Variants in SLC4A7 observed in about 807,000 individuals in gnomAD.
SLC4A7 encodes solute carrier family 4 member 7.
Under a neutral mutation model 137.6 loss-of-function variants are expected in SLC4A7, and 51 were observed. That is an observed-to-expected ratio of 0.37 (90% CI 0.30 to 0.47). The LOEUF (loss-of-function observed/expected upper bound fraction) is 0.47, where lower values mean the gene tolerates loss of function less well. SLC4A7 is among the 20% of genes least tolerant of loss of function. The pLI, the probability that SLC4A7 is intolerant of heterozygous loss-of-function variation, is 1.00. For synonymous variants in SLC4A7, 542 were observed against 518.6 expected (o/e 1.05, Z -0.61); for missense variants, 1,247 against 1,525.4 (o/e 0.82, Z 3.04).
At chr3:27,423,776 A>G (rs2055247969) in intron 8 of SLC4A7, 2 of 346,478 alleles carry the variant, frequency 5.8e-6, no homozygotes, top group Non-Finnish European at 1.0e-5. Context: ...ATGGATGGAA[A>G]TATCGTATTA....
chr3:27,462,876 G>GA (rs1235462407), intron 1 of SLC4A7: 16 of 152,182 alleles, frequency 1.1e-4, no homozygotes, highest in Admixed American at 1.0e-3. Flanking sequence ...TTCAAACCGG[G>GA]AAAAACAAAG....
At chr3:27,382,732 G>T (rs112953582) in intron 24 of SLC4A7, among the ~76,000 whole-genome samples, 1 of 152,116 alleles carries the variant, frequency 6.6e-6, no homozygotes, top group Non-Finnish European at 1.5e-5. Flanking sequence ...ACTGGTATTT[G>T]AATGGACACT....
At chr3:27,474,422 A>G (rs574350908) in intron 1 of SLC4A7, among the ~76,000 whole-genome samples, 1 of 152,366 alleles carries the variant, frequency 6.6e-6, no homozygotes, top group South Asian at 2.1e-4. Flanking sequence ...CACATTTTAA[A>G]TATTTTGTCA....
chr3:27,481,820 C>A (rs1467454776), intron 1 of SLC4A7, among the ~76,000 whole-genome samples: 4 of 152,144 alleles, frequency 2.6e-5, no homozygotes, highest in African/African-American at 9.7e-5. Flanking sequence ...ATCTGTCTCC[C>A]AACTCAAATA....
intron 2 of SLC4A7, among the ~76,000 whole-genome samples, chr3:27,449,363 TAAC>T (rs199938671): frequency 0.031 from 4,601 of 148,884 alleles, 240 homozygotes; most frequent in African/African-American, 0.11. Context: ...AATATATAAA[TAAC>T]ATTTTAGTAA....
chr3:27,468,226 G>A (rs139157665), intron 1 of SLC4A7, among the ~76,000 whole-genome samples: 118 of 152,222 alleles, frequency 7.8e-4, no homozygotes, highest in African/African-American at 2.7e-3. Flanking sequence ...ACCAAGAGCA[G>A]CCTTATAAAT....
chr3:27,408,840 T>C (rs1393176071), intron 13 of SLC4A7, among the ~76,000 whole-genome samples: 3 of 152,222 alleles, frequency 2.0e-5, no homozygotes, highest in Non-Finnish European at 4.4e-5. Context: ...TCACATAGAC[T>C]TAATAACAGC....
intron 11 of SLC4A7, among the ~76,000 whole-genome samples, chr3:27,416,713 C>G (rs899078170): frequency 1.1e-4 from 16 of 152,184 alleles, no homozygotes; most frequent in African/African-American, 3.6e-4. Flanking sequence ...TAACAAATAG[C>G]CTTCATTTCA....
intron 3 of SLC4A7, among the ~76,000 whole-genome samples, chr3:27,439,886 G>A (rs953973836): frequency 2.6e-5 from 4 of 152,150 alleles, no homozygotes; most frequent in African/African-American, 9.7e-5. Context: ...CTCTTTATCA[G>A]GTTAAGGAAG....
At chr3:27,382,159 G>T (rs570650635) in intron 24 of SLC4A7, among the ~76,000 whole-genome samples, 1 of 151,978 alleles carries the variant, frequency 6.6e-6, no homozygotes, top group East Asian at 2.0e-4. Context: ...TTGCTCTGTT[G>T]CCTAGGCTGG....
At chr3:27,431,799 G>T (rs745991255) in intron 6 of SLC4A7, 130 bp from the exon 7 acceptor site, 7 of 841,438 alleles carry the variant, frequency 8.3e-6, no homozygotes, top group Non-Finnish European at 1.2e-5. Flanking sequence ...GTCATGTGAT[G>T]GTTAGCATGT....
At position 27,372,950 on chromosome 3, in the gene SLC4A7, T is replaced by A. The variant is rs2149960679; in HGVS notation, c.*3814A>T. 1 of 152,506 alleles carries A rather than the reference T, an allele frequency of 6.6e-6. No individual in the cohort carries two copies. The highest frequency in any genetic ancestry group is 2.4e-5 in the African/African-American group (1 of 41,512). The allele number at this position is 152,506 out of a possible 1,614,324, so 9.4% of individuals were successfully genotyped here. A position where few individuals can be genotyped will look rare whatever the true frequency, so the allele number is the denominator to read the frequency against. ...ATTGTAATTATAAAAGCCATAAAAATTGGAACTGTATTGTGAAATTACATC... is the reference window on the plus strand; with the variant it reads ...ATTGTAATTATAAAAGCCATAAAAAATGGAACTGTATTGTGAAATTACATC... On this transcript the variant is annotated 3_prime_UTR_variant, in exon 26 of 26. Transcript: ENST00000454389.
chr3:27,476,629 TGTTCTCATTA>T (rs2150735777), intron 1 of SLC4A7, among the ~76,000 whole-genome samples: 1 of 152,304 alleles, frequency 6.6e-6, no homozygotes, highest in South Asian at 2.1e-4. Context: ...TCCCCCTCAT[TGTTCTCATTA>T]GTTCTCATGA....
intron 1 of SLC4A7, among the ~76,000 whole-genome samples, chr3:27,479,949 T>C (rs923665501): frequency 1.3e-5 from 2 of 151,994 alleles, no homozygotes; most frequent in East Asian, 3.8e-4. Context: ...TAAGATACAA[T>C]AAGAAGGAGG....
intron 3 of SLC4A7, among the ~76,000 whole-genome samples, chr3:27,442,003 C>T (rs2057236866): frequency 6.6e-6 from 1 of 151,910 alleles, no homozygotes; most frequent in Non-Finnish European, 1.5e-5. Flanking sequence ...TCTCCTGCCT[C>T]AGCCTCCTGA....
intron 1 of SLC4A7, chr3:27,457,095 G>GA (rs956662065): frequency 4.8e-3 from 957 of 199,164 alleles, no homozygotes; most frequent in Non-Finnish European, 7.6e-3. Flanking sequence ...ACAATAGCTA[G>GA]AAAAAAAAAA....
chr3:27,470,656 A>AC (rs1441929607), intron 1 of SLC4A7, among the ~76,000 whole-genome samples: 12 of 151,674 alleles, frequency 7.9e-5, no homozygotes, highest in African/African-American at 2.9e-4. Flanking sequence ...AAAAAAAAAA[A>AC]AAACAGCCAG....
intron 13 of SLC4A7, among the ~76,000 whole-genome samples, chr3:27,405,441 A>G (rs1029138352): frequency 3.9e-5 from 6 of 152,218 alleles, no homozygotes; most frequent in Non-Finnish European, 7.3e-5. Flanking sequence ...AGTAAATGGG[A>G]GAGACACATA....
At chr3:27,408,125 T>C (rs1360614144) in intron 13 of SLC4A7, among the ~76,000 whole-genome samples, 1 of 152,242 alleles carries the variant, frequency 6.6e-6, no homozygotes, top group Non-Finnish European at 1.5e-5. Context: ...TTTCACTTAA[T>C]CACTTTTGTC....
Sources: allele counts gnomAD v4.1 joint callset (sites outside exome capture counted in the v4.1 genomes callset), GRCh38; gene constraint gnomAD v4.1.1; transcripts MANE v1.5; gene names NCBI Gene and HGNC (gene_info 2026-07-23, HGNC 2026-07-21).